Variants in ATE1 observed in about 807,000 individuals in gnomAD.
ATE1 encodes arginyl-tRNA--protein transferase 1.
ATE1 carries 36 observed loss-of-function variants against 70.5 expected under a neutral mutation model. The ratio of observed to expected loss-of-function variants is 0.51; its 90% CI spans 0.39 to 0.67. The LOEUF (loss-of-function observed/expected upper bound fraction) is 0.67, where lower values mean the gene tolerates loss of function less well. Ranked by LOEUF, ATE1 falls within the 30% of genes least tolerant of loss-of-function variation. The pLI, the probability that ATE1 is intolerant of heterozygous loss-of-function variation, is 0.00. For synonymous variants in ATE1, 232 were observed against 219.3 expected (o/e 1.06, Z -0.51); for missense variants, 593 against 629.5 (o/e 0.94, Z 0.62).
chr10:121,796,961 A>G (rs1946681764), intron 10 of ATE1, among the ~76,000 whole-genome samples: 1 of 152,242 alleles, frequency 6.6e-6, no homozygotes, highest in African/African-American at 2.4e-5. Flanking sequence ...ATACATGGAA[A>G]ATATCTTAGT....
At chr10:121,772,581 T>A (rs994757434) in intron 11 of ATE1, among the ~76,000 whole-genome samples, 4 of 152,294 alleles carry the variant, frequency 2.6e-5, no homozygotes, top group Admixed American at 6.5e-5. Context: ...CAGCCTGAAG[T>A]AGTCTGTGTT....
At position 121,841,198 on chromosome 10, in the gene ATE1, G is replaced by A. The variant is rs144950702; in HGVS notation, c.1041C>T (p.Asp347=). ...YGSFHQQYWL[D]GKIIAVGVID... is the part of the protein sequence containing the mutation. ...TCACCCCCACAGCAATGATCTTTCCGTCAAGCCAGTACTGCTGGTGAAAGG... is the reference window on the plus strand; with the variant it reads ...TCACCCCCACAGCAATGATCTTTCCATCAAGCCAGTACTGCTGGTGAAAGG... The change falls in exon 9 of 12, where the codon GAC becomes GAT. Residue 347 remains aspartate (D), a synonymous_variant. Transcript: ENST00000224652. The A allele has an allele frequency of 3.3e-5, 52 of 1,597,088 alleles. No individual in the cohort carries two copies. The highest frequency in any genetic ancestry group is 1.7e-4 in the Middle Eastern group (1 of 5,996).
chr10:121,812,141 A>G (rs1032130111), intron 10 of ATE1, among the ~76,000 whole-genome samples: 2 of 151,694 alleles, frequency 1.3e-5, no homozygotes, highest in African/African-American at 4.8e-5. Flanking sequence ...TTTTTTGTAG[A>G]GACTGGGTTT....
chr10:121,911,151 TC>T lies in ATE1; in HGVS notation c.338-1del, dbSNP rs1951409147. ...ATCCATTGTGGAATCCATGGGCTCA[TC>T]TACAAATCAGAAGAAATTAAAAATC... is the stretch of plus-strand genomic sequence containing the variant. On this transcript the variant is annotated splice_acceptor_variant, in intron 4 of 11. Coordinates refer to ENST00000224652, the MANE Select transcript of ATE1 (RefSeq NM_001001976.3). LOFTEE classifies it high-confidence loss of function. 1 of 1,602,832 alleles carries T rather than the reference TC, an allele frequency of 6.2e-7. No individual in the cohort carries two copies. The highest frequency in any genetic ancestry group is 1.4e-5 in the African/African-American group (1 of 74,072).
intron 7 of ATE1, among the ~76,000 whole-genome samples, chr10:121,883,024 C>T (rs7081719): frequency 0.45 from 68,090 of 151,940 alleles, 16,000 homozygotes; most frequent in South Asian, 0.53. Flanking sequence ...AAAAAGGCAC[C>T]TCCTAATGCT....
intron 1 of ATE1, 127 bp downstream of exon 1, chr10:121,927,717 G>A (rs1952156584): frequency 7.4e-7 from 1 of 1,347,582 alleles, no homozygotes; most frequent in Non-Finnish European, 9.6e-7. Flanking sequence ...TCCCGAGAGT[G>A]CCCCCTCCGT....
intron 11 of ATE1, among the ~76,000 whole-genome samples, chr10:121,762,651 G>A (rs1945098351): frequency 6.6e-6 from 1 of 152,156 alleles, no homozygotes; most frequent in Non-Finnish European, 1.5e-5. Context: ...GTGTGCGTGT[G>A]CCCTGCGAGG....
At chr10:121,886,857 T>C (rs1361128910) in intron 7 of ATE1, among the ~76,000 whole-genome samples, 1 of 152,200 alleles carries the variant, frequency 6.6e-6, no homozygotes, top group African/African-American at 2.4e-5. Flanking sequence ...TATATATGAT[T>C]GTCTGGTCTT....
intron 8 of ATE1, among the ~76,000 whole-genome samples, chr10:121,847,049 T>C (rs1409695844): frequency 1.3e-5 from 2 of 152,200 alleles, no homozygotes; most frequent in African/African-American, 4.8e-5. Flanking sequence ...GGCTCAACTA[T>C]GTAACAAGAA....
intron 6 of ATE1, among the ~76,000 whole-genome samples, chr10:121,901,040 G>A (rs1392696990): frequency 6.6e-6 from 1 of 152,130 alleles, no homozygotes; most frequent in East Asian, 1.9e-4. Context: ...GCCGAGGCGG[G>A]TGATCACCTG....
At chr10:121,874,463 A>G (rs373674902) in intron 7 of ATE1, among the ~76,000 whole-genome samples, 12 of 152,236 alleles carry the variant, frequency 7.9e-5, no homozygotes, top group Admixed American at 7.2e-4. Flanking sequence ...GCTAGCGCCC[A>G]TTTAAAAAGT....
At chr10:121,761,450 A>G (rs1945035124) in intron 11 of ATE1, among the ~76,000 whole-genome samples, 2 of 124,360 alleles carry the variant, frequency 1.6e-5, no homozygotes, top group Admixed American at 8.5e-5. Context: ...CTTTTAAATT[A>G]AGCTATGTAT....
At chr10:121,751,589 CT>C (rs1351354134) in intron 11 of ATE1, among the ~76,000 whole-genome samples, 4 of 152,194 alleles carry the variant, frequency 2.6e-5, no homozygotes, top group African/African-American at 9.7e-5. Flanking sequence ...TTTTCATGTG[CT>C]TATTGCCCAT....
intron 10 of ATE1, among the ~76,000 whole-genome samples, chr10:121,823,147 A>G (rs1393617545): frequency 1.3e-5 from 2 of 152,070 alleles, no homozygotes; most frequent in African/African-American, 2.4e-5. Flanking sequence ...AAAATTAGCC[A>G]GGCACGGTGG....
intron 8 of ATE1, among the ~76,000 whole-genome samples, chr10:121,866,134 GC>G (rs1489316665): frequency 2.0e-5 from 3 of 152,188 alleles, no homozygotes; most frequent in Admixed American, 1.3e-4. Flanking sequence ...GCACTCTCCT[GC>G]CTTGCCTTTG....
In ATE1 at chr10:121,924,332, G is replaced by A; in HGVS notation, c.107-3C>T. 6.2e-7 allele frequency: 1 copy of A among 1,612,838 alleles called. No individual in the cohort carries two copies. Among genetic ancestry groups the A allele is most frequent in the South Asian group, 1.1e-5 (1 of 91,044 alleles). ...TGTCATGGAATGTGCCCACATGCCT[G>A]AAAAAATAAGTAGTGTGTTAATTAC... On this transcript the variant is annotated splice_region_variant and splice_polypyrimidine_tract_variant and intron_variant, in intron 1 of 11. Transcript: ENST00000224652.
chr10:121,850,419 T>C (rs1949010157), intron 8 of ATE1, among the ~76,000 whole-genome samples: 1 of 152,212 alleles, frequency 6.6e-6, no homozygotes, highest in African/African-American at 2.4e-5. Context: ...CAGTCATCCA[T>C]TCCTAGAGAA....
chr10:121,866,751 G>A (rs1057165393), intron 8 of ATE1, among the ~76,000 whole-genome samples: 1 of 151,158 alleles, frequency 6.6e-6, no homozygotes, highest in Non-Finnish European at 1.5e-5. Context: ...GGGGGCTAAG[G>A]CAGGAGAATT....
At chr10:121,787,080 G>A (rs1032279012) in intron 11 of ATE1, among the ~76,000 whole-genome samples, 2 of 152,036 alleles carry the variant, frequency 1.3e-5, no homozygotes, top group African/African-American at 4.8e-5. Context: ...CCACAGTACC[G>A]CAAAGTAGTA....
Sources: allele counts gnomAD v4.1 joint callset (sites outside exome capture counted in the v4.1 genomes callset), GRCh38; gene constraint gnomAD v4.1.1; transcripts MANE v1.5; gene names NCBI Gene and HGNC (gene_info 2026-07-23, HGNC 2026-07-21).